DTNA: variants seen among roughly 807,000 people sequenced by gnomAD.
The protein encoded by DTNA is dystrophin-related protein 3.
In DTNA, 43 loss-of-function variants were observed where a neutral mutation model predicts 100.7. The observed-to-expected ratio is 0.43, with a 90% CI of 0.33 to 0.55. The LOEUF is 0.55. Among genes scored for constraint, DTNA ranks in the 20% least tolerant of loss-of-function variants. DTNA has a pLI of 0.04. For missense variants in DTNA, 798 were observed against 953.9 expected (o/e 0.84, Z 2.15); for synonymous variants, 349 against 347.9 (o/e 1.00, Z -0.04).
intron 1 of DTNA, among the ~76,000 whole-genome samples, chr18:34,609,390 A>G (rs1333439687): frequency 1.3e-5 from 2 of 151,600 alleles, no homozygotes; most frequent in East Asian, 3.9e-4. Flanking sequence ...GACTACAGGT[A>G]CCCGCCACCC....
intron 1 of DTNA, among the ~76,000 whole-genome samples, chr18:34,676,699 G>A (rs555612269): frequency 2.0e-5 from 3 of 152,210 alleles, no homozygotes; most frequent in Admixed American, 6.5e-5. Context: ...GCTGAGCGTG[G>A]TGCTGAGCAC....
rs34255919 is a variant in DTNA, at chr18:34,805,785, CAAA to C, written c.363-421_363-419del. ...AACCTCAAATTCAGAAATTCTCTGA[CAAA>C]AAAAAAAAAAAATGATGTTTCTGAA... is the stretch of plus-strand genomic sequence containing the variant. On this transcript the variant is annotated intron_variant, in intron 4 of 22. Transcript: ENST00000444659. 1.0e-3 allele frequency among the ~76,000 whole-genome samples: 131 copies of C among 129,252 alleles called. 1 individual carries two copies. The highest frequency in any genetic ancestry group is 3.1e-3 in the African/African-American group (110 of 35,454). The allele number at this position is 129,252 out of a possible 152,430, so 84.8% of individuals were successfully genotyped here. A position where few individuals can be genotyped will look rare whatever the true frequency, so the allele number is the denominator to read the frequency against.
intron 3 of DTNA, among the ~76,000 whole-genome samples, chr18:34,785,980 G>GAAC (rs1308465358): frequency 6.6e-6 from 1 of 152,158 alleles, no homozygotes; most frequent in Non-Finnish European, 1.5e-5. Flanking sequence ...TGAGTCTCAG[G>GAAC]AACCTAGTGT....
chr18:34,682,732 T>C (rs950829167), intron 1 of DTNA, among the ~76,000 whole-genome samples: 3 of 152,302 alleles, frequency 2.0e-5, no homozygotes, highest in East Asian at 1.9e-4. Flanking sequence ...TAAAAGTTCT[T>C]TGTATATTAT....
intron 1 of DTNA, among the ~76,000 whole-genome samples, chr18:34,500,326 A>T (rs1192854817): frequency 6.6e-6 from 1 of 151,246 alleles, no homozygotes; most frequent in Non-Finnish European, 1.5e-5. Context: ...TGTATTTTTA[A>T]TTTCAGTGTT....
chr18:34,804,493 T>C (rs2095309557), intron 4 of DTNA, among the ~76,000 whole-genome samples: 2 of 152,044 alleles, frequency 1.3e-5, no homozygotes, highest in African/African-American at 4.8e-5. Context: ...GGATTCAACA[T>C]ACAGGTAACA....
chr18:34,598,655 A>T (rs1446729881), intron 1 of DTNA, among the ~76,000 whole-genome samples: 2 of 152,128 alleles, frequency 1.3e-5, no homozygotes, highest in Non-Finnish European at 2.9e-5. Context: ...CGAGGTCAGG[A>T]GATTGAGACC....
At chr18:34,880,955 T>C (rs2096866076) in intron 20 of DTNA, among the ~76,000 whole-genome samples, 1 of 152,206 alleles carries the variant, frequency 6.6e-6, no homozygotes, top group South Asian at 2.1e-4. Flanking sequence ...ATATGGCAGT[T>C]AGCTAGAATT....
At chr18:34,580,874 C>T (rs531808425) in intron 1 of DTNA, among the ~76,000 whole-genome samples, 245 of 152,274 alleles carry the variant, frequency 1.6e-3, no homozygotes, top group Middle Eastern at 3.4e-3. Flanking sequence ...AAGGAGTTAA[C>T]AGGCAGGCAT....
At chr18:34,825,404 C>CA (rs987112074) in intron 9 of DTNA, 1 of 1,169,178 alleles carries the variant, frequency 8.6e-7, no homozygotes, top group Non-Finnish European at 1.3e-6. Context: ...GCTGTACACT[C>CA]AGTTCACAAG....
chr18:34,670,707 G>A (rs1213308424), intron 1 of DTNA, among the ~76,000 whole-genome samples: 2 of 152,174 alleles, frequency 1.3e-5, no homozygotes, highest in East Asian at 1.9e-4. Context: ...TTTTGGCCTG[G>A]GTATCAGCAT....
intron 1 of DTNA, among the ~76,000 whole-genome samples, chr18:34,517,551 A>G (rs776549532): frequency 2.2e-4 from 33 of 151,778 alleles, no homozygotes; most frequent in Middle Eastern, 6.3e-3. Context: ...AAATCAAGAT[A>G]GAGAACAGTT....
intron 1 of DTNA, among the ~76,000 whole-genome samples, chr18:34,601,271 G>A (rs899246055): frequency 6.6e-6 from 1 of 152,194 alleles, no homozygotes; most frequent in Non-Finnish European, 1.5e-5. Flanking sequence ...GGTGATTTAT[G>A]CAGAAATTTT....
chr18:34,625,136 G>T (rs1310874772), intron 1 of DTNA, among the ~76,000 whole-genome samples: 1 of 151,930 alleles, frequency 6.6e-6, no homozygotes, highest in Non-Finnish European at 1.5e-5. Context: ...CCTGGTTCAA[G>T]CAGTTCCCCT....
intron 1 of DTNA, among the ~76,000 whole-genome samples, chr18:34,638,778 A>G (rs2058934894): frequency 6.6e-6 from 1 of 152,194 alleles, no homozygotes; most frequent in Admixed American, 6.5e-5. Flanking sequence ...TTATCCTAGC[A>G]TACATTCACA....
At chr18:34,602,683 G>A (rs2052143757) in intron 1 of DTNA, among the ~76,000 whole-genome samples, 2 of 151,648 alleles carry the variant, frequency 1.3e-5, no homozygotes, top group African/African-American at 2.4e-5. Flanking sequence ...GAAATGTAGT[G>A]AGAGCCTGTC....
At chr18:34,774,363 G>A (rs1568477337) in intron 3 of DTNA, among the ~76,000 whole-genome samples, 1 of 152,208 alleles carries the variant, frequency 6.6e-6, no homozygotes, top group Non-Finnish European at 1.5e-5. Context: ...AGCACACATT[G>A]TAAGAAAACA....
intron 1 of DTNA, among the ~76,000 whole-genome samples, chr18:34,512,473 A>C (rs2041189366): frequency 6.6e-6 from 1 of 152,018 alleles, no homozygotes; most frequent in Non-Finnish European, 1.5e-5. Flanking sequence ...TGGCCCTCTC[A>C]TCTATGAAAT....
intron 3 of DTNA, chr18:34,767,708 C>G (rs1249987649): frequency 6.6e-6 from 1 of 152,166 alleles, no homozygotes; most frequent in Non-Finnish European, 1.5e-5. Context: ...CCACCTCACT[C>G]CTGTGATTAC....
Sources: gnomAD v4.1 joint callset for allele counts (sites outside exome capture counted in the v4.1 genomes callset) on GRCh38, gnomAD v4.1.1 for gene constraint, MANE v1.5 for transcripts, NCBI Gene and HGNC (gene_info 2026-07-23, HGNC 2026-07-21) for gene names.